The following RALGAPA1 variants were observed in gnomAD, a reference collection of about 807,000 sequenced individuals.
The protein encoded by RALGAPA1 is ral GTPase-activating protein subunit alpha-1.
Under a neutral mutation model 269.6 loss-of-function variants are expected in RALGAPA1, and 52 were observed. That is an observed-to-expected ratio of 0.19 (90% CI 0.15 to 0.24). RALGAPA1 has a LOEUF of 0.24. RALGAPA1 is among the 10% of genes least tolerant of loss of function. RALGAPA1 has a pLI of 1.00. For synonymous variants in RALGAPA1, 817 were observed against 1,008.3 expected, an observed-to-expected ratio of 0.81 and a Z score of 3.60; for missense variants, 1,917 against 3,013.9, an observed-to-expected ratio of 0.64 and a Z score of 8.52.
chr14:35,572,301 T>C (rs1304982246), intron 38 of RALGAPA1, among the ~76,000 whole-genome samples: 1 of 152,224 alleles, frequency 6.6e-6, no homozygotes, highest in Non-Finnish European at 1.5e-5. Flanking sequence ...CTTTTTGAGC[T>C]TGGTACACAG....
intron 12 of RALGAPA1, among the ~76,000 whole-genome samples, chr14:35,730,303 G>A (rs528861608): frequency 4.6e-5 from 7 of 152,306 alleles, no homozygotes; most frequent in Admixed American, 3.3e-4. Context: ...AGGGTGGCCA[G>A]AGGCGTGTGG....
chr14:35,588,997 G>A (rs1039231727), intron 37 of RALGAPA1, among the ~76,000 whole-genome samples: 1 of 152,082 alleles, frequency 6.6e-6, no homozygotes, highest in African/African-American at 2.4e-5. Flanking sequence ...GGTAAATTAA[G>A]CCAGGCACAA....
At chr14:35,585,334 G>A (rs1246703693) in intron 37 of RALGAPA1, among the ~76,000 whole-genome samples, 1 of 152,142 alleles carries the variant, frequency 6.6e-6, no homozygotes, top group Admixed American at 6.6e-5. Flanking sequence ...CAGAAAGATA[G>A]TTGGAAAACC....
intron 7 of RALGAPA1, among the ~76,000 whole-genome samples, chr14:35,755,071 G>A (rs964047148): frequency 6.6e-6 from 1 of 152,130 alleles, no homozygotes; most frequent in Non-Finnish European, 1.5e-5. Flanking sequence ...GGATCCAAGG[G>A]GCATGGTGGC....
intron 1 of RALGAPA1, among the ~76,000 whole-genome samples, chr14:35,781,513 T>C (rs1453235346): frequency 2.6e-5 from 4 of 151,778 alleles, no homozygotes; most frequent in Non-Finnish European, 5.9e-5. Context: ...ACAAGAAAAA[T>C]ACAGACCAAT....
At chr14:35,740,679 G>C (rs1248595776) in intron 11 of RALGAPA1, among the ~76,000 whole-genome samples, 3 of 152,112 alleles carry the variant, frequency 2.0e-5, no homozygotes, top group African/African-American at 7.2e-5. Context: ...ATGGTGGCGA[G>C]TGCCTGTAGT....
intron 10 of RALGAPA1, among the ~76,000 whole-genome samples, chr14:35,743,010 C>T (rs1045645500): frequency 9.9e-5 from 15 of 152,046 alleles, no homozygotes; most frequent in African/African-American, 3.4e-4. Context: ...ATCACATACA[C>T]CCCAACACTC....
chr14:35,714,420 T>C (rs2068629521), intron 16 of RALGAPA1, among the ~76,000 whole-genome samples: 1 of 152,232 alleles, frequency 6.6e-6, no homozygotes, highest in Non-Finnish European at 1.5e-5. Flanking sequence ...TGGCCATTTG[T>C]GTATCTTCTT....
chr14:35,587,785 T>A (rs1424150498), intron 37 of RALGAPA1, among the ~76,000 whole-genome samples: 1 of 152,080 alleles, frequency 6.6e-6, no homozygotes, highest in Non-Finnish European at 1.5e-5. Context: ...AGTTGATGGG[T>A]GCAGCACACC....
intron 4 of RALGAPA1, among the ~76,000 whole-genome samples, chr14:35,767,548 T>C (rs1214998229): frequency 1.3e-5 from 2 of 151,882 alleles, no homozygotes; most frequent in African/African-American, 4.8e-5. Context: ...TAGCCGGGCG[T>C]GGTGGCATGT....
At chr14:35,620,797 A>G (rs1300212784) in intron 35 of RALGAPA1, among the ~76,000 whole-genome samples, 1 of 152,206 alleles carries the variant, frequency 6.6e-6, no homozygotes, top group Non-Finnish European at 1.5e-5. Flanking sequence ...CTAGGAATCC[A>G]ACTTACAATG....
chr14:35,570,841 G>C (rs1018761677), intron 38 of RALGAPA1, 97 bp from the exon 39 acceptor site: 2 of 1,131,160 alleles, frequency 1.8e-6, no homozygotes, highest in African/African-American at 3.2e-5. Context: ...TATTTCTGCT[G>C]CTTCTTTAGT....
chr14:35,586,733 T>A (rs771711989), intron 37 of RALGAPA1, among the ~76,000 whole-genome samples: 1 of 152,182 alleles, frequency 6.6e-6, no homozygotes. Context: ...GGTTTTTGTC[T>A]TTGGTTCTGT....
chr14:35,622,654 T>C (rs1002606066), intron 35 of RALGAPA1, among the ~76,000 whole-genome samples: 3 of 152,306 alleles, frequency 2.0e-5, no homozygotes, highest in Non-Finnish European at 2.9e-5. Flanking sequence ...ATCAAATCAA[T>C]GGCAAAGGTA....
intron 39 of RALGAPA1, among the ~76,000 whole-genome samples, chr14:35,559,294 AAT>A (rs922211219): frequency 4.6e-5 from 7 of 152,202 alleles, no homozygotes; most frequent in Admixed American, 2.0e-4. Flanking sequence ...TCCTATGTCA[AAT>A]ATGTTTAAAG....
chr14:35,788,559 AG>A (rs1418422054), intron 1 of RALGAPA1, among the ~76,000 whole-genome samples: 39 of 152,286 alleles, frequency 2.6e-4, no homozygotes, highest in Middle Eastern at 3.4e-3. Context: ...CTAAGGCAGG[AG>A]GATCACATGA....
rs2066192957 is a variant in RALGAPA1 at position 35,688,677 on chromosome 14, G to A, written c.3734C>T (p.Ala1245Val). The A allele has an allele frequency of 1.3e-6, 2 of 1,488,924 alleles. No individual in the cohort carries two copies. Among genetic ancestry groups the A allele is most frequent in the African/African-American group, 2.8e-5 (2 of 71,266 alleles). The allele number at this position is 1,488,924 out of a possible 1,614,324, so 92.2% of individuals were successfully genotyped here. ...PTTILQKEGI[A>V]SSQLGSRSTL... ...ACTACGACTACCTAATTGACTACTT[G>A]CAATTCCTTCTTTTTGTAATATGGT... The change falls in exon 18 of 42, where the codon GCA (alanine) becomes GTA (valine). Residue 1245 changes from alanine (A) to valine (V), a missense_variant. Ala to Val is a moderately conservative substitution (Grantham distance 64). This residue lies in a region of RALGAPA1 where 615 missense variants were observed against 790.0 expected (regional missense o/e 0.78). Coordinates refer to ENST00000680220, the MANE Select transcript of RALGAPA1 (RefSeq NM_001346249.2).
chr14:35,560,054 G>T (rs1243794996), intron 39 of RALGAPA1, among the ~76,000 whole-genome samples: 1 of 152,066 alleles, frequency 6.6e-6, no homozygotes, highest in Non-Finnish European at 1.5e-5. Flanking sequence ...TCATAAAAAA[G>T]ACTTTATGAA....
chr14:35,748,378 C>CTTTTTTTTTTTTTTTTTT (rs35805261), intron 10 of RALGAPA1: 1 of 247,456 alleles, frequency 4.0e-6, no homozygotes. Flanking sequence ...CTCTCTCGCT[C>CTTTTTTTTTTTTTTTTTT]TTTTTTTTTT....
Sources: allele counts gnomAD v4.1 joint callset (sites outside exome capture counted in the v4.1 genomes callset), GRCh38; gene constraint gnomAD v4.1.1; regional missense constraint gnomAD v4.1.1; transcripts MANE v1.5; gene names NCBI Gene and HGNC (gene_info 2026-07-23, HGNC 2026-07-21).